Variants in SNTG1 observed in about 807,000 individuals in gnomAD.
The protein encoded by SNTG1 is gamma-1-syntrophin.
Under a neutral mutation model 74.7 loss-of-function variants are expected in SNTG1, and 39 were observed. The observed-to-expected ratio is 0.52, with a 90% CI of 0.40 to 0.68. The LOEUF (loss-of-function observed/expected upper bound fraction) is 0.68. Among genes scored for constraint, SNTG1 ranks in the 30% least tolerant of loss-of-function variants. The pLI is 0.00. For missense variants in SNTG1, 685 were observed against 609.5 expected, an observed-to-expected ratio of 1.12 and a Z score of -1.30; for synonymous variants, 254 against 217.1, an observed-to-expected ratio of 1.17 and a Z score of -1.49.
intron 2 of SNTG1, among the ~76,000 whole-genome samples, chr8:50,275,851 C>T (rs1471885921): frequency 6.6e-6 from 1 of 152,064 alleles, no homozygotes; most frequent in Non-Finnish European, 1.5e-5. Context: ...GCATTTTGCC[C>T]CATGACCACC....
At chr8:50,727,018 A>C (rs1439642484) in intron 17 of SNTG1, among the ~76,000 whole-genome samples, 1 of 152,126 alleles carries the variant, frequency 6.6e-6, no homozygotes, top group Non-Finnish European at 1.5e-5. Flanking sequence ...AAGGGAAGGG[A>C]GTGGGCTTAC....
chr8:50,114,041 G>A (rs1330620547), intron 1 of SNTG1, among the ~76,000 whole-genome samples: 3 of 152,006 alleles, frequency 2.0e-5, no homozygotes, highest in Admixed American at 6.6e-5. Flanking sequence ...GATCTTTACT[G>A]CTTTTAAAGA....
chr8:50,717,145 T>C (rs996453298), intron 17 of SNTG1, among the ~76,000 whole-genome samples: 11 of 152,194 alleles, frequency 7.2e-5, no homozygotes, highest in Non-Finnish European at 1.0e-4. Context: ...TCAAGAAAGA[T>C]TCAAAAGGTC....
At chr8:50,473,493 A>G (rs928050035) in intron 8 of SNTG1, among the ~76,000 whole-genome samples, 2 of 152,206 alleles carry the variant, frequency 1.3e-5, no homozygotes, top group Non-Finnish European at 2.9e-5. Context: ...TATAGCCATT[A>G]TGAAGAACAG....
intron 9 of SNTG1, among the ~76,000 whole-genome samples, chr8:50,521,079 A>G (rs186998121): frequency 2.6e-5 from 4 of 152,326 alleles, no homozygotes; most frequent in African/African-American, 9.6e-5. Context: ...ACACCATGGA[A>G]TACTATGCAG....
At chr8:50,359,493 C>T (rs1374777219) in intron 2 of SNTG1, among the ~76,000 whole-genome samples, 4 of 152,148 alleles carry the variant, frequency 2.6e-5, no homozygotes, top group Admixed American at 2.6e-4. Context: ...CCAATTTTTG[C>T]ATCTCTGTTT....
Position 50,129,344 on chromosome 8 carries a change from T to A in SNTG1, c.-102-43217T>A, listed in dbSNP as rs560551533. On this transcript the variant is annotated intron_variant, in intron 1 of 18. Transcript: ENST00000642720. ...CTTCATAGCATCCAGAAGGAAACCT[T>A]AGTGTCTACTGTCCAGGTGGAATGC... is the stretch of plus-strand genomic sequence containing the variant. Among the ~76,000 whole-genome samples, 525 of 152,234 alleles carry A rather than the reference T, an allele frequency of 3.4e-3. 1 individual carries two copies. The highest frequency in any genetic ancestry group is 5.7e-3 in the Non-Finnish European group (390 of 68,012).
At chr8:50,655,716 G>A (rs1038069449) in intron 13 of SNTG1, among the ~76,000 whole-genome samples, 9 of 152,156 alleles carry the variant, frequency 5.9e-5, no homozygotes, top group African/African-American at 1.7e-4. Flanking sequence ...ATGAGTAGAC[G>A]ACAGTAATAT....
At chr8:49,918,307 A>G (rs1806224842) in intron 1 of SNTG1, among the ~76,000 whole-genome samples, 2 of 152,200 alleles carry the variant, frequency 1.3e-5, no homozygotes, top group South Asian at 4.1e-4. Flanking sequence ...ATAGGTCAAT[A>G]ATATTACATA....
At chr8:50,483,923 T>C (rs2093761486) in intron 8 of SNTG1, among the ~76,000 whole-genome samples, 1 of 152,160 alleles carries the variant, frequency 6.6e-6, no homozygotes, top group African/African-American at 2.4e-5. Context: ...TGGTACATAG[T>C]TTTCAAGCTA....
At chr8:50,556,949 G>C (rs147367006) in intron 12 of SNTG1, among the ~76,000 whole-genome samples, 215 of 152,248 alleles carry the variant, frequency 1.4e-3, no homozygotes, top group African/African-American at 4.8e-3. Context: ...CACATGCTGA[G>C]GGCTGGCTCA....
chr8:50,462,612 A>C (rs2093573802), intron 8 of SNTG1, among the ~76,000 whole-genome samples: 1 of 152,088 alleles, frequency 6.6e-6, no homozygotes, highest in Admixed American at 6.6e-5. Flanking sequence ...CTGCTTTATC[A>C]ACTAAGTTTA....
chr8:50,545,604 T>TG (rs143506913), intron 11 of SNTG1, among the ~76,000 whole-genome samples: 32,991 of 151,438 alleles, frequency 0.22, 4,681 homozygotes, highest in African/African-American at 0.4. Flanking sequence ...TGAATTTTAA[T>TG]AAAAAAATTC....
chr8:50,446,340 T>C (rs544944580), intron 5 of SNTG1, among the ~76,000 whole-genome samples: 1 of 146,664 alleles, frequency 6.8e-6, no homozygotes, highest in East Asian at 2.0e-4. Context: ...GAAATTAGTT[T>C]AAAAAGTACA....
chr8:50,313,158 C>A (rs998549402), intron 2 of SNTG1, among the ~76,000 whole-genome samples: 1 of 149,588 alleles, frequency 6.7e-6, no homozygotes, highest in Non-Finnish European at 1.5e-5. Flanking sequence ...ATACAAGAAT[C>A]GACTAAAAAT....
rs1210895093 is a variant in SNTG1, at chr8:50,204,341, C to T, written c.-28+31706C>T. Among the ~76,000 whole-genome samples the T allele has an allele frequency of 3.3e-5, 5 of 152,016 alleles. No homozygotes were observed. The East Asian group carries it at 7.7e-4, about 24-fold the overall frequency. On this transcript the variant is annotated intron_variant, in intron 2 of 18. Transcript: ENST00000642720. ...GCACTGAAATGAATTGTAGTCAACA[C>T]TCAGTATCTGGGCATGAATTATGTT...
intron 2 of SNTG1, among the ~76,000 whole-genome samples, chr8:50,336,604 C>A (rs1194574297): frequency 6.6e-6 from 1 of 152,130 alleles, no homozygotes; most frequent in Non-Finnish European, 1.5e-5. Context: ...TTTCTTAGGG[C>A]AGAAATTATG....
intron 2 of SNTG1, among the ~76,000 whole-genome samples, chr8:50,276,513 A>C (rs1007025245): frequency 6.6e-6 from 1 of 151,836 alleles, no homozygotes; most frequent in African/African-American, 2.4e-5. Flanking sequence ...CTGGAAGGAA[A>C]CTGTCATTGC....
rs1011004806 is a variant in SNTG1, at chr8:50,205,388, C to A, written c.-28+32753C>A. Among the ~76,000 whole-genome samples the A allele has an allele frequency of 5.9e-5, 9 of 152,156 alleles. No individual in the cohort carries two copies. The South Asian group carries it at 6.2e-4, about 11-fold the overall frequency. ...TGTCTTCTTTTGAGAAGTGTCTGTT[C>A]ATATCCTTTGCCCACTTTTTGATGG... On this transcript the variant is annotated intron_variant, in intron 2 of 18. Coordinates refer to ENST00000642720, the MANE Select transcript of SNTG1 (RefSeq NM_018967.5).
Sources: gnomAD v4.1 joint callset for allele counts (sites outside exome capture counted in the v4.1 genomes callset) on GRCh38, gnomAD v4.1.1 for gene constraint, MANE v1.5 for transcripts, NCBI Gene and HGNC (gene_info 2026-07-23, HGNC 2026-07-21) for gene names.